The following PDZD8 variants were observed in gnomAD, a reference collection of about 807,000 sequenced individuals.
PDZD8 encodes the protein PDZ domain containing 8, also known as PDZ domain-containing protein 8.
In PDZD8, 14 loss-of-function variants were observed where a neutral mutation model predicts 85.8. The ratio of observed to expected loss-of-function variants is 0.16; its 90% CI spans 0.11 to 0.26. PDZD8 has a LOEUF of 0.26. Ranked by LOEUF, PDZD8 falls within the 10% of genes least tolerant of loss-of-function variation. The probability of loss-of-function intolerance (pLI) is 1.00; values close to 1 mark genes in which losing one functional copy is unlikely to be tolerated. For synonymous variants in PDZD8, 592 were observed against 568.6 expected (o/e 1.04, Z -0.59); for missense variants, 1,197 against 1,424.3 (o/e 0.84, Z 2.57).
Position 117,348,986 on chromosome 10 carries a change from G to A in PDZD8, c.873-7884C>T, listed in dbSNP as rs117035438. On this transcript the variant is annotated intron_variant, in intron 1 of 4. Transcript: ENST00000334464. ...TCCTCACAATAACATGGTATGGCAA[G>A]AATCGCAAATCATTTTCTCATTTCA... Among the ~76,000 whole-genome samples, 1,125 of 152,316 alleles carry A rather than the reference G, an allele frequency of 7.4e-3. 8 individuals are homozygous for A. The highest frequency in any genetic ancestry group is 0.02 in the Middle Eastern group (6 of 294).
intron 1 of PDZD8, among the ~76,000 whole-genome samples, chr10:117,373,876 G>A (rs1395311908): frequency 6.6e-6 from 1 of 152,188 alleles, no homozygotes; most frequent in East Asian, 1.9e-4. Flanking sequence ...AAAGTGGCTT[G>A]CAATGTCAAA....
rs962736573 is a variant in PDZD8, at chr10:117,366,879, G to A, written c.872+7477C>T. Among the ~76,000 whole-genome samples, 12 of 152,156 alleles carry A rather than the reference G, an allele frequency of 7.9e-5. No individual in the cohort carries two copies. In the East Asian group the frequency reaches 2.3e-3, roughly 29 times the overall value. Reference sequence around the variant, plus strand: ...CCCACATAGGAGTTTTAACTATTGAGATTGCAACTGCATGGAAATGCCCAC... The same window carrying A: ...CCCACATAGGAGTTTTAACTATTGAAATTGCAACTGCATGGAAATGCCCAC... On this transcript the variant is annotated intron_variant, in intron 1 of 4. Transcript: ENST00000334464.
intron 1 of PDZD8, among the ~76,000 whole-genome samples, chr10:117,346,467 C>G (rs560672150): frequency 1.3e-5 from 2 of 151,512 alleles, no homozygotes; most frequent in African/African-American, 4.8e-5. Flanking sequence ...GCCAGAGATG[C>G]CTCATTATAC....
At chr10:117,333,360 A>G (rs933570838) in intron 2 of PDZD8, among the ~76,000 whole-genome samples, 6 of 152,308 alleles carry the variant, frequency 3.9e-5, no homozygotes, top group Admixed American at 2.0e-4. Context: ...AAGTACAACT[A>G]ATAATACAAT....
rs778184338 is a variant in PDZD8 at position 117,285,144 on chromosome 10, G to C, written c.1589C>G (p.Ser530Cys). 5 of 1,614,104 alleles carry C rather than the reference G, an allele frequency of 3.1e-6. No individual in the cohort carries two copies. In the South Asian group the frequency reaches 4.4e-5, roughly 14 times the overall value. Residue 530 changes from serine to cysteine, a missense_variant, in exon 5 of 5, where the codon TCT becomes TGT. Around this residue, in one of 4 missense-constraint regions of PDZD8, gnomAD observed 263 missense variants for 261.9 expected, o/e 1.00. Coordinates refer to ENST00000334464, the MANE Select transcript of PDZD8 (RefSeq NM_173791.5). ...TGATATAGCTCCAAGGGGTTTAATAGAAAGTGTTGTTGGAACACGTTTGGG... is the reference window on the plus strand; with the variant it reads ...TGATATAGCTCCAAGGGGTTTAATACAAAGTGTTGTTGGAACACGTTTGGG... ...HSPKRVPTTL[S>C]IKPLGAISPV... is the part of the protein sequence containing the mutation.
chr10:117,322,694 T>C (rs898552243), intron 2 of PDZD8, among the ~76,000 whole-genome samples: 8 of 151,206 alleles, frequency 5.3e-5, no homozygotes, highest in African/African-American at 9.7e-5. Context: ...ATTGGCTAGG[T>C]TGATCAGTGG....
Position 117,318,932 on chromosome 10 carries a change from A to G in PDZD8, c.1038T>C (p.His346=), listed in dbSNP as rs754497654. The change falls in exon 3 of 5, where the codon CAT becomes CAC. Residue 346 remains histidine (H), a synonymous_variant. Coordinates refer to ENST00000334464, the MANE Select transcript of PDZD8 (RefSeq NM_173791.5). ...FGSYDREANV[H]CTLELSSSVW... ...CACTACTGCTTAACTCAAGTGTGCAATGAACATTTGCCTCTCTGTCATAGG... is the reference window on the plus strand; with the variant it reads ...CACTACTGCTTAACTCAAGTGTGCAGTGAACATTTGCCTCTCTGTCATAGG... 2 of 1,612,392 alleles carry G rather than the reference A, an allele frequency of 1.2e-6. No homozygotes were observed. Among genetic ancestry groups the G allele is most frequent in the South Asian group, 1.1e-5 (1 of 91,028 alleles).
chr10:117,289,605 T>C (rs1180821141), intron 4 of PDZD8, among the ~76,000 whole-genome samples: 1 of 152,180 alleles, frequency 6.6e-6, no homozygotes, highest in Non-Finnish European at 1.5e-5. Context: ...ACAATCCAAG[T>C]GATAGGAAGG....
intron 1 of PDZD8, among the ~76,000 whole-genome samples, chr10:117,354,184 G>A (rs993222692): frequency 2.6e-5 from 4 of 152,100 alleles, no homozygotes; most frequent in African/African-American, 2.4e-5. Context: ...CATTGATTGC[G>A]GAGAATGTTG....
At chr10:117,294,666 T>G (rs1843726267) in intron 3 of PDZD8, among the ~76,000 whole-genome samples, 1 of 152,144 alleles carries the variant, frequency 6.6e-6, no homozygotes, top group African/African-American at 2.4e-5. Context: ...TGGAATACTA[T>G]TCAGCCACAA....
intron 2 of PDZD8, among the ~76,000 whole-genome samples, chr10:117,339,461 CT>C (rs1844573104): frequency 6.6e-6 from 1 of 152,116 alleles, no homozygotes; most frequent in South Asian, 2.1e-4. Context: ...ACACAATGGG[CT>C]TGGTGCTTTA....
At chr10:117,321,665 G>C (rs1844227392) in intron 2 of PDZD8, among the ~76,000 whole-genome samples, 1 of 151,914 alleles carries the variant, frequency 6.6e-6, no homozygotes, top group African/African-American at 2.4e-5. Flanking sequence ...TAAAACAATT[G>C]AAAGAAAAAA....
At chr10:117,312,753 G>A (rs1844059970) in intron 3 of PDZD8, among the ~76,000 whole-genome samples, 1 of 152,042 alleles carries the variant, frequency 6.6e-6, no homozygotes, top group African/African-American at 2.4e-5. Context: ...TTCAGCTGAA[G>A]AACACTAATT....
intron 2 of PDZD8, among the ~76,000 whole-genome samples, chr10:117,320,556 A>G (rs1213402653): frequency 2.6e-5 from 4 of 152,274 alleles, no homozygotes; most frequent in Non-Finnish European, 4.4e-5. Context: ...CAAAATTAAC[A>G]GACCTGAATA....
At chr10:117,285,930 T>C (rs1213200176) in intron 4 of PDZD8, 1 of 163,968 alleles carries the variant, frequency 6.1e-6, no homozygotes, top group Non-Finnish European at 1.3e-5. Flanking sequence ...AGACATATGA[T>C]GAAAGATTCA....
At chr10:117,329,148 G>C (rs1008321150) in intron 2 of PDZD8, among the ~76,000 whole-genome samples, 1 of 152,090 alleles carries the variant, frequency 6.6e-6, no homozygotes, top group Non-Finnish European at 1.5e-5. Flanking sequence ...ACAATCACTG[G>C]CTAATAAATA....
At chr10:117,368,993 C>T (rs560592602) in intron 1 of PDZD8, among the ~76,000 whole-genome samples, 69 of 151,502 alleles carry the variant, frequency 4.6e-4, no homozygotes, top group African/African-American at 1.6e-3. Flanking sequence ...GCAGCTGGGA[C>T]TGCAGGTGCG....
Position 117,293,681 on chromosome 10 carries a change from T to G in PDZD8, c.1099-3333A>C, listed in dbSNP as rs529168337. Among the ~76,000 whole-genome samples, 5 of 152,158 alleles carry G rather than the reference T, an allele frequency of 3.3e-5. No individual in the cohort carries two copies. In the East Asian group the frequency reaches 7.7e-4, roughly 24 times the overall value. On this transcript the variant is annotated intron_variant, in intron 3 of 4. Coordinates refer to ENST00000334464, the MANE Select transcript of PDZD8 (RefSeq NM_173791.5). ...AGCAACCAATATAACTAGAAAAAAA[T>G]AAGTGGAGGCACAGGCAACCTCAAC...
intron 2 of PDZD8, among the ~76,000 whole-genome samples, chr10:117,336,960 G>A (rs1844526056): frequency 6.6e-6 from 1 of 151,818 alleles, no homozygotes; most frequent in South Asian, 2.1e-4. Flanking sequence ...ATGGTGGTGG[G>A]CGCCTGTAGT....
Sources: gnomAD v4.1 joint callset for allele counts (sites outside exome capture counted in the v4.1 genomes callset) on GRCh38, gnomAD v4.1.1 for gene constraint, gnomAD v4.1.1 regional missense constraint, MANE v1.5 for transcripts, NCBI Gene and HGNC (gene_info 2026-07-23, HGNC 2026-07-21) for gene names.